TSPAN12: variants seen among roughly 807,000 people sequenced by gnomAD.
TSPAN12 encodes the protein tetraspanin-12.
In TSPAN12, 19 loss-of-function variants were observed where a neutral mutation model predicts 39.2. The observed-to-expected ratio is 0.49, with a 90% CI of 0.34 to 0.71. TSPAN12 has a LOEUF of 0.71. TSPAN12 is among the 30% of genes least tolerant of loss of function. The probability of loss-of-function intolerance (pLI) is 0.01; values close to 1 mark genes in which losing one functional copy is unlikely to be tolerated. For missense variants in TSPAN12, 314 were observed against 359.9 expected, an observed-to-expected ratio of 0.87 and a Z score of 1.03; for synonymous variants, 119 against 124.8, an observed-to-expected ratio of 0.95 and a Z score of 0.31.
At chr7:120,841,133 T>A (rs1433465442) in intron 2 of TSPAN12, among the ~76,000 whole-genome samples, 2 of 152,124 alleles carry the variant, frequency 1.3e-5, no homozygotes, top group East Asian at 3.9e-4. Context: ...AGGCAGATGA[T>A]CCAGACCACA....
chr7:120,816,791 A>C (rs1010341826), intron 4 of TSPAN12, among the ~76,000 whole-genome samples: 20 of 152,280 alleles, frequency 1.3e-4, no homozygotes, highest in African/African-American at 4.8e-4. Flanking sequence ...AATGATTTGG[A>C]AAAAGGAAGG....
intron 7 of TSPAN12, among the ~76,000 whole-genome samples, chr7:120,801,032 C>T (rs748415723): frequency 3.3e-5 from 5 of 152,102 alleles, no homozygotes; most frequent in South Asian, 4.1e-4. Context: ...GTGATCCACC[C>T]GCCCCAGCCT....
intron 4 of TSPAN12, among the ~76,000 whole-genome samples, chr7:120,837,883 T>A (rs897312423): frequency 6.6e-6 from 1 of 152,210 alleles, no homozygotes; most frequent in Non-Finnish European, 1.5e-5. Flanking sequence ...AAATTGACCA[T>A]GCTGGGAGAA....
intron 2 of TSPAN12, among the ~76,000 whole-genome samples, chr7:120,853,471 GATAT>G (rs375897054): frequency 4.3e-4 from 59 of 138,122 alleles, no homozygotes; most frequent in Admixed American, 3.2e-3. Context: ...AAGAAATGCA[GATAT>G]ATATATATAT....
At chr7:120,852,866 A>C (rs1421197721) in intron 2 of TSPAN12, among the ~76,000 whole-genome samples, 2 of 152,174 alleles carry the variant, frequency 1.3e-5, no homozygotes, top group Non-Finnish European at 2.9e-5. Flanking sequence ...AGAGAGAGAG[A>C]GAGAGAGACT....
chr7:120,856,578 A>C (rs1367870284), intron 2 of TSPAN12, 120 bp downstream of exon 2: 2 of 1,013,238 alleles, frequency 2.0e-6, no homozygotes, highest in Non-Finnish European at 3.1e-6. Flanking sequence ...TCTGAAAAAT[A>C]AAGGGTGTTA....
intron 7 of TSPAN12, among the ~76,000 whole-genome samples, chr7:120,790,889 G>GA (rs1261935489): frequency 6.6e-6 from 1 of 152,150 alleles, no homozygotes; most frequent in Non-Finnish European, 1.5e-5. Flanking sequence ...TATCTTTGAA[G>GA]AAATTGATAT....
chr7:120,841,099 G>A (rs538000061), intron 2 of TSPAN12, among the ~76,000 whole-genome samples: 8 of 152,188 alleles, frequency 5.3e-5, no homozygotes, highest in African/African-American at 9.7e-5. Context: ...TGAAAGGCTG[G>A]TGGGAAGTCA....
At chr7:120,855,807 C>T (rs565555588) in intron 2 of TSPAN12, among the ~76,000 whole-genome samples, 9 of 152,014 alleles carry the variant, frequency 5.9e-5, no homozygotes, top group African/African-American at 9.7e-5. Context: ...CCAGTCAGCA[C>T]GCCAGCCAGT....
At position 120,810,501 on chromosome 7, in the gene TSPAN12, G is replaced by T; in HGVS notation, c.430C>A (p.Arg144=). The T allele has an allele frequency of 6.2e-7, 1 of 1,613,662 alleles. No homozygotes were observed. The highest frequency in any genetic ancestry group is 8.5e-7 in the Non-Finnish European group (1 of 1,179,808). The change falls in exon 6 of 8, where the codon CGG becomes AGG. Residue 144 remains arginine, a synonymous_variant. Transcript: ENST00000222747. ...RMTNYGLPRY[R]WLTHAWNFFQ... is the part of the protein sequence containing the mutation. ...AAATTCCAAGCATGAGTAAGCCACC[G>T]ATATCTAGGTAATCCATAATTTGTC...
intron 7 of TSPAN12, among the ~76,000 whole-genome samples, chr7:120,795,826 C>T (rs1793617243): frequency 6.6e-6 from 1 of 152,110 alleles, no homozygotes; most frequent in Non-Finnish European, 1.5e-5. Flanking sequence ...ATAATGCTTC[C>T]TTTAAAAAAA....
Position 120,840,085 on chromosome 7 carries a change from C to T in TSPAN12, c.91G>A (p.Val31Ile), listed in dbSNP as rs1483182812. ...AGGTAGTCCCTCATCCAAGCAGAAA[C>T]TGCCAACACACTGATGGACATTAAC... ...FWLMSISVLA[V>I]SAWMRDYLNN... Residue 31 changes from valine to isoleucine, a missense_variant, in exon 3 of 8, where the codon GTT becomes ATT. By Grantham distance (29) the Val-to-Ile change is conservative. Coordinates refer to ENST00000222747, the MANE Select transcript of TSPAN12 (RefSeq NM_012338.4). 2.5e-6 allele frequency: 4 copies of T among 1,613,684 alleles called. No individual in the cohort carries two copies. The highest frequency in any genetic ancestry group is 3.4e-6 in the Non-Finnish European group (4 of 1,179,818).
rs181006945 is a variant in TSPAN12 at position 120,834,748 on chromosome 7, T to C, written c.285+4029A>G. On this transcript the variant is annotated intron_variant, in intron 4 of 7. Coordinates refer to ENST00000222747, the MANE Select transcript of TSPAN12 (RefSeq NM_012338.4). ...AAGTTGGATGAATGTATTCTGCTTG[T>C]TTAAATATTTACATCCAAAATAAAA... Among the ~76,000 whole-genome samples the C allele has an allele frequency of 1.3e-3, 202 of 152,244 alleles. 2 individuals carry two copies. The highest frequency in any genetic ancestry group is 4.1e-3 in the African/African-American group (171 of 41,540).
intron 2 of TSPAN12, among the ~76,000 whole-genome samples, chr7:120,855,774 A>C (rs1794858511): frequency 6.6e-6 from 1 of 152,158 alleles, no homozygotes; most frequent in Non-Finnish European, 1.5e-5. Context: ...TAGCCCTATG[A>C]AAAAAAGGCT....
In TSPAN12 at chr7:120,840,024, T is replaced by C. The variant is rs367887017; in HGVS notation, c.149+3A>G. ...GAATTCAATCAATAATTATAAAGTA[T>C]ACCTCGTTTCTGCAGTTAAAGTGAG... On this transcript the variant is annotated splice_donor_region_variant and intron_variant, in intron 3 of 7. Coordinates refer to ENST00000222747, the MANE Select transcript of TSPAN12 (RefSeq NM_012338.4). 2.5e-6 allele frequency: 4 copies of C among 1,605,832 alleles called. No homozygotes were observed. The highest frequency in any genetic ancestry group is 3.4e-6 in the Non-Finnish European group (4 of 1,172,668).
At chr7:120,790,859 T>G (rs1308222737) in intron 7 of TSPAN12, among the ~76,000 whole-genome samples, 1 of 152,226 alleles carries the variant, frequency 6.6e-6, no homozygotes, top group African/African-American at 2.4e-5. Flanking sequence ...CCAAATAATG[T>G]GGCACTATTT....
intron 6 of TSPAN12, among the ~76,000 whole-genome samples, chr7:120,808,657 A>G (rs2116355856): frequency 6.6e-6 from 1 of 152,296 alleles, no homozygotes; most frequent in South Asian, 2.1e-4. Flanking sequence ...TTTTAAAGTT[A>G]GTATTCTAAA....
intron 2 of TSPAN12, among the ~76,000 whole-genome samples, chr7:120,847,520 C>T (rs890988564): frequency 1.3e-5 from 2 of 152,178 alleles, no homozygotes; most frequent in African/African-American, 2.4e-5. Flanking sequence ...GTATGTCCCT[C>T]CCACTGTTTT....
intron 2 of TSPAN12, among the ~76,000 whole-genome samples, chr7:120,850,837 A>G (rs746144316): frequency 6.6e-6 from 1 of 151,836 alleles, no homozygotes; most frequent in Non-Finnish European, 1.5e-5. Flanking sequence ...TTACAGATGC[A>G]TGCCACCACA....
Sources: allele counts gnomAD v4.1 joint callset (sites outside exome capture counted in the v4.1 genomes callset), GRCh38; gene constraint gnomAD v4.1.1; transcripts MANE v1.5; gene names NCBI Gene and HGNC (gene_info 2026-07-23, HGNC 2026-07-21).